The following NEK11 variants were observed in gnomAD, a reference collection of about 807,000 sequenced individuals.
The protein encoded by NEK11 is serine/threonine-protein kinase Nek11.
A neutral mutation model predicts 80.7 loss-of-function variants in NEK11; 72 were observed. The observed-to-expected ratio is 0.89, with a 90% CI of 0.74 to 1.08. The LOEUF is 1.08. NEK11 is among the 50% of genes least tolerant of loss of function. The probability of loss-of-function intolerance (pLI) is 0.00; values close to 1 mark genes in which losing one functional copy is unlikely to be tolerated. For synonymous variants in NEK11, 251 were observed against 260.7 expected, an observed-to-expected ratio of 0.96 and a Z score of 0.36; for missense variants, 764 against 763.6, an observed-to-expected ratio of 1.00 and a Z score of -0.01.
At chr3:131,195,480 G>C (rs1442089809) in intron 14 of NEK11, among the ~76,000 whole-genome samples, 2 of 152,058 alleles carry the variant, frequency 1.3e-5, no homozygotes, top group African/African-American at 4.8e-5. Flanking sequence ...CCCTCACCAT[G>C]TACCTAGTTC....
At position 131,257,569 on chromosome 3, in the gene NEK11, CCT is replaced by C. The variant is rs373979916; in HGVS notation, c.1621+14076_1621+14077del. Among the ~76,000 whole-genome samples the C allele has an allele frequency of 4.7e-4, 71 of 152,268 alleles. 1 individual carries two copies. The South Asian group carries it at 0.014, about 30-fold the overall frequency. Reference sequence around the variant, plus strand: ...CTTGCGGTGTCTTGTGGAAACATCTCCTCTTTTGGCTTTCATAGAAGCTAAGG... The same window carrying C: ...CTTGCGGTGTCTTGTGGAAACATCTCCTTTTGGCTTTCATAGAAGCTAAGG... On this transcript the variant is annotated intron_variant, in intron 16 of 17. Coordinates refer to ENST00000383366, the MANE Select transcript of NEK11 (RefSeq NM_024800.5).
chr3:131,184,597 A>C (rs144404923), intron 14 of NEK11: 12 of 329,234 alleles, frequency 3.6e-5, no homozygotes, highest in Middle Eastern at 3.5e-4. Flanking sequence ...CATTTCACGC[A>C]GAGATTAATT....
At chr3:131,194,661 A>T (rs1322388876) in intron 14 of NEK11, among the ~76,000 whole-genome samples, 1 of 152,076 alleles carries the variant, frequency 6.6e-6, no homozygotes, top group African/African-American at 2.4e-5. Flanking sequence ...TTTGTGTTTT[A>T]AATTGAGTTT....
chr3:131,233,665 A>G (rs2095377154), intron 15 of NEK11, among the ~76,000 whole-genome samples: 1 of 152,180 alleles, frequency 6.6e-6, no homozygotes, highest in Admixed American at 6.5e-5. Flanking sequence ...CAGTCCCTCT[A>G]CTGCATCTCA....
At chr3:131,093,727 T>C (rs1200739080) in intron 4 of NEK11, among the ~76,000 whole-genome samples, 4 of 152,116 alleles carry the variant, frequency 2.6e-5, no homozygotes, top group African/African-American at 4.8e-5. Context: ...TTTGAACAAA[T>C]AGTCACCCTT....
At chr3:131,185,460 C>A (rs2093560728) in intron 14 of NEK11, among the ~76,000 whole-genome samples, 1 of 152,122 alleles carries the variant, frequency 6.6e-6, no homozygotes, top group Non-Finnish European at 1.5e-5. Flanking sequence ...GGCTTTGAAC[C>A]AGCTTTTACT....
At chr3:131,029,225 G>T (rs1406039981) in intron 2 of NEK11, among the ~76,000 whole-genome samples, 1 of 152,174 alleles carries the variant, frequency 6.6e-6, no homozygotes, top group Non-Finnish European at 1.5e-5. Context: ...TGAGAAGAGG[G>T]CATTACAAAA....
chr3:131,134,805 A>G (rs2085238232), intron 7 of NEK11, among the ~76,000 whole-genome samples: 1 of 152,164 alleles, frequency 6.6e-6, no homozygotes, highest in Non-Finnish European at 1.5e-5. Flanking sequence ...CTTCCTTGTT[A>G]TGGAACTAAG....
At chr3:131,027,854 A>G (rs1023367462) in intron 1 of NEK11, 76 bp from the exon 2 acceptor site, 2 of 152,028 alleles carry the variant, frequency 1.3e-5, no homozygotes, top group Non-Finnish European at 2.9e-5. Context: ...CTGGGTTTAG[A>G]CTGTCCTTTA....
At chr3:131,029,976 A>C in intron 3 of NEK11, 98 bp downstream of exon 3, 6 of 1,137,466 alleles carry the variant, frequency 5.3e-6, no homozygotes, top group Non-Finnish European at 6.4e-6. Flanking sequence ...ATGGTGGCTC[A>C]TGCCTGTAAT....
At chr3:131,244,750 C>T (rs1305614043) in intron 16 of NEK11, among the ~76,000 whole-genome samples, 1 of 151,880 alleles carries the variant, frequency 6.6e-6, no homozygotes, top group African/African-American at 2.4e-5. Context: ...AGCAAGACCC[C>T]GTCTCTAACC....
intron 3 of NEK11, among the ~76,000 whole-genome samples, chr3:131,030,094 G>C (rs1410694924): frequency 6.6e-6 from 1 of 152,100 alleles, no homozygotes; most frequent in Admixed American, 6.5e-5. Context: ...ACAAAAATTA[G>C]CCAGGCAGGG....
intron 16 of NEK11, among the ~76,000 whole-genome samples, chr3:131,251,997 G>A (rs2095713109): frequency 6.6e-6 from 1 of 152,046 alleles, no homozygotes; most frequent in African/African-American, 2.4e-5. Context: ...TAGAAATCAT[G>A]AAGACAATCC....
chr3:131,032,254 G>A (rs1354625295), intron 3 of NEK11, among the ~76,000 whole-genome samples: 3 of 152,062 alleles, frequency 2.0e-5, no homozygotes, highest in Non-Finnish European at 2.9e-5. Context: ...GAGCCATCGC[G>A]CCTGGCCAGT....
chr3:131,042,775 G>A (rs1269466917), intron 3 of NEK11, among the ~76,000 whole-genome samples: 1 of 152,206 alleles, frequency 6.6e-6, no homozygotes, highest in African/African-American at 2.4e-5. Context: ...GGGACAGACT[G>A]CCTCCACAAG....
At chr3:131,091,818 G>T (rs1042423382) in intron 4 of NEK11, among the ~76,000 whole-genome samples, 1 of 152,116 alleles carries the variant, frequency 6.6e-6, no homozygotes, top group African/African-American at 2.4e-5. Flanking sequence ...CTTGAATTGG[G>T]CAAACTTCAG....
intron 4 of NEK11, among the ~76,000 whole-genome samples, chr3:131,105,718 T>A (rs1486393850): frequency 6.6e-6 from 1 of 152,138 alleles, no homozygotes; most frequent in Non-Finnish European, 1.5e-5. Context: ...CCCCCATGAT[T>A]TGATTATCTC....
At chr3:131,281,511 G>A (rs569724642) in intron 17 of NEK11, among the ~76,000 whole-genome samples, 4 of 152,190 alleles carry the variant, frequency 2.6e-5, no homozygotes, top group East Asian at 1.9e-4. Context: ...ACCTAATGAC[G>A]GACATACGAG....
intron 17 of NEK11, among the ~76,000 whole-genome samples, chr3:131,307,843 A>G (rs1027862128): frequency 6.6e-6 from 1 of 152,224 alleles, no homozygotes; most frequent in African/African-American, 2.4e-5. Context: ...CTTTGGTGAC[A>G]AAAAGCTGTT....
Sources: gnomAD v4.1 joint callset for allele counts (sites outside exome capture counted in the v4.1 genomes callset) on GRCh38, gnomAD v4.1.1 for gene constraint, MANE v1.5 for transcripts, NCBI Gene and HGNC (gene_info 2026-07-23, HGNC 2026-07-21) for gene names.